CLHC1: variants seen among roughly 807,000 people sequenced by gnomAD.
CLHC1 encodes clathrin heavy chain linker domain-containing protein 1.
Under a neutral mutation model 69.5 loss-of-function variants are expected in CLHC1, and 72 were observed. The ratio of observed to expected loss-of-function variants is 1.04; its 90% confidence interval spans 0.86 to 1.26. CLHC1 has a LOEUF of 1.26. CLHC1 is among the 50% of genes most tolerant of loss of function. The probability of loss-of-function intolerance (pLI) is 0.00; values close to 1 mark genes in which losing one functional copy is unlikely to be tolerated. For missense variants in CLHC1, 790 were observed against 679.3 expected (o/e 1.16, Z -1.81); for synonymous variants, 223 against 224.3 (o/e 0.99, Z 0.05).
rs148964321 is a variant in CLHC1 at position 55,213,968 on chromosome 2, C to G, written c.366-1162G>C. Among the ~76,000 whole-genome samples, 16 of 152,118 alleles carry G rather than the reference C, an allele frequency of 1.1e-4. No homozygotes were observed. In the East Asian group the frequency reaches 3.1e-3, roughly 29 times the overall value. ...CTGGATAAATTGACCTAAGAGGATT[C>G]TAGTTGAAGGCAGGTCACAGTAACT... On this transcript the variant is annotated intron_variant, in intron 4 of 12. Coordinates refer to ENST00000401408, the MANE Select transcript of CLHC1 (RefSeq NM_152385.4).
In CLHC1 at chr2:55,226,304, T is replaced by C. The variant is rs184913131; in HGVS notation, c.-83+1728A>G. On this transcript the variant is annotated intron_variant, in intron 2 of 12. Transcript: ENST00000401408. ...GTCACATTAACTTCAAACAGAACTC[T>C]TGGCTTGCTTAATAATGGCTGGCAA... 5.0e-3 allele frequency among the ~76,000 whole-genome samples: 761 copies of C among 152,260 alleles called. 5 individuals carry two copies. The highest frequency in any genetic ancestry group is 0.018 in the African/African-American group (731 of 41,550).
intron 4 of CLHC1, among the ~76,000 whole-genome samples, chr2:55,213,840 A>G (rs971209155): frequency 1.3e-5 from 2 of 152,228 alleles, no homozygotes; most frequent in African/African-American, 4.8e-5. Context: ...ATTGGACTCA[A>G]TCTGAATATG....
chr2:55,196,363 G>A (rs758393814), intron 9 of CLHC1, among the ~76,000 whole-genome samples: 6 of 151,984 alleles, frequency 3.9e-5, no homozygotes, highest in Non-Finnish European at 5.9e-5. Flanking sequence ...TGATGTGGCC[G>A]AAGGAGTGTT....
chr2:55,205,283 T>C (rs964787470), intron 9 of CLHC1, among the ~76,000 whole-genome samples: 1 of 151,842 alleles, frequency 6.6e-6, no homozygotes, highest in Middle Eastern at 3.4e-3. Context: ...CAAAGGAAAA[T>C]AAACTATTAT....
chr2:55,206,467 C>G (rs1012067268), intron 8 of CLHC1, 91 bp from the exon 9 acceptor site: 1 of 713,916 alleles, frequency 1.4e-6, no homozygotes, highest in African/African-American at 1.8e-5. Context: ...CTAAATATAG[C>G]GGCATAACGA....
At chr2:55,180,483 A>G in intron 11 of CLHC1, 27 bp downstream of exon 11, 1 of 1,556,624 alleles carries the variant, frequency 6.4e-7, no homozygotes, top group Non-Finnish European at 8.9e-7. Flanking sequence ...ATTCAAATGT[A>G]TACAAATGGC....
intron 9 of CLHC1, among the ~76,000 whole-genome samples, chr2:55,199,296 C>CAAAAAAAA (rs57570449): frequency 1.3e-4 from 9 of 70,960 alleles, no homozygotes; most frequent in South Asian, 5.4e-4. Flanking sequence ...GACTCCATCT[C>CAAAAAAAA]AAAAAAAAAA....
rs1553353361 is a variant in CLHC1, at chr2:55,208,865, C to CCT, written c.815-156_815-155insAG. On this transcript the variant is annotated intron_variant, in intron 7 of 12. Transcript: ENST00000401408. ...TTAGTGGCCTCCCCGTCCCTTTCCTCTTTTTTTTTTTTTTTTTTTTTTTGA... is the reference window on the plus strand; with the variant it reads ...TTAGTGGCCTCCCCGTCCCTTTCCTCCTTTTTTTTTTTTTTTTTTTTTTTTGA... Among the ~76,000 whole-genome samples the CCT allele has an allele frequency of 1.4e-3, 131 of 90,836 alleles. 9 individuals carry two copies. Among genetic ancestry groups the CCT allele is most frequent in the African/African-American group, 1.9e-3 (47 of 25,000 alleles). The allele number at this position is 90,836 out of a possible 152,430, so 59.6% of individuals were successfully genotyped here.
At chr2:55,187,818 CACT>C (rs1670559158) in intron 9 of CLHC1, among the ~76,000 whole-genome samples, 2 of 151,898 alleles carry the variant, frequency 1.3e-5, no homozygotes, top group African/African-American at 4.8e-5. Flanking sequence ...TGATAAATTC[CACT>C]ACATTAAAAT....
chr2:55,222,127 G>T, intron 3 of CLHC1, 108 bp downstream of exon 3: 1 of 748,440 alleles, frequency 1.3e-6, no homozygotes, highest in Non-Finnish European at 2.2e-6. Flanking sequence ...TCAGCAAATG[G>T]AATGTTATCA....
rs139821302 is a variant in CLHC1, at chr2:55,175,655, T to C, written c.*135A>G. ...TCAAAGACAAATCTAAATGTCATCATAACAAAAGTGTGATTTATTTCTGAG... is the reference window on the plus strand; with the variant it reads ...TCAAAGACAAATCTAAATGTCATCACAACAAAAGTGTGATTTATTTCTGAG... On this transcript the variant is annotated 3_prime_UTR_variant, in exon 13 of 13. Transcript: ENST00000401408. 6.1e-3 allele frequency: 3,697 copies of C among 607,914 alleles called. 40 individuals carry two copies. The highest frequency in any genetic ancestry group is 0.022 in the South Asian group (911 of 41,184). 37.7% of individuals were successfully genotyped at this position (607,914 alleles called of 1,614,324 possible). A position where few individuals can be genotyped will look rare whatever the true frequency, so the allele number is the denominator to read the frequency against.
intron 9 of CLHC1, among the ~76,000 whole-genome samples, chr2:55,191,996 A>G (rs1670978297): frequency 6.6e-6 from 1 of 152,134 alleles, no homozygotes; most frequent in South Asian, 2.1e-4. Flanking sequence ...TGGGCAACAT[A>G]GCAAAATCCT....
At chr2:55,219,706 A>G (rs1334693534) in intron 3 of CLHC1, among the ~76,000 whole-genome samples, 2 of 152,168 alleles carry the variant, frequency 1.3e-5, no homozygotes, top group Non-Finnish European at 2.9e-5. Flanking sequence ...TTGAGACCCC[A>G]GCATTAAGGC....
intron 1 of CLHC1, among the ~76,000 whole-genome samples, chr2:55,229,894 A>G: frequency 6.6e-6 from 1 of 152,124 alleles, no homozygotes; most frequent in Non-Finnish European, 1.5e-5. Flanking sequence ...ACCAACATGG[A>G]AAAACCCTGT....
chr2:55,209,377 A>T, intron 7 of CLHC1, 27 bp downstream of exon 7: 1 of 1,381,610 alleles, frequency 7.2e-7, no homozygotes, highest in Non-Finnish European at 1.0e-6. Context: ...CATTATTGGT[A>T]CTAATTTAAA....
rs1669330178 is a variant in CLHC1 at position 55,175,792 on chromosome 2, A to C, written c.1759T>G (p.Ter587GluextTer7). 6.2e-7 allele frequency: 1 copy of C among 1,613,312 alleles called. No homozygotes were observed. Among genetic ancestry groups the C allele is most frequent in the Non-Finnish European group, 8.5e-7 (1 of 1,179,366 alleles). The change falls in exon 13 of 13, where the codon TAG becomes GAG. Residue 587 changes from the stop codon to glutamate (E), a stop_lost. Coordinates refer to ENST00000401408, the MANE Select transcript of CLHC1 (RefSeq NM_152385.4). ...CCTCAGCTGGTTAAGATATAGAACT[A>C]CCAAAACACATGTTCCATTAGGTTG... is the stretch of plus-strand genomic sequence containing the variant. ...AVNLMEHVFW[*>E]
At chr2:55,221,571 A>G (rs542865807) in intron 3 of CLHC1, among the ~76,000 whole-genome samples, 1 of 152,316 alleles carries the variant, frequency 6.6e-6, no homozygotes, top group South Asian at 2.1e-4. Flanking sequence ...AATAACAAGG[A>G]AGTATCATGT....
chr2:55,216,654 C>T (rs1673540576), intron 4 of CLHC1, among the ~76,000 whole-genome samples: 2 of 151,892 alleles, frequency 1.3e-5, no homozygotes, highest in Non-Finnish European at 2.9e-5. Context: ...CCACCTCAGC[C>T]TTCCAAGCAA....
At chr2:55,200,558 A>T (rs1573672761) in intron 9 of CLHC1, among the ~76,000 whole-genome samples, 2 of 152,194 alleles carry the variant, frequency 1.3e-5, no homozygotes, top group Admixed American at 1.3e-4. Context: ...AAAGAGAGAA[A>T]TAGACCCCAA....
Sources: allele counts gnomAD v4.1 joint callset (sites outside exome capture counted in the v4.1 genomes callset), GRCh38; gene constraint gnomAD v4.1.1; transcripts MANE v1.5; gene names NCBI Gene and HGNC (gene_info 2026-07-23, HGNC 2026-07-21).